FAM156A: variants seen among roughly 807,000 people sequenced by gnomAD.
The protein encoded by FAM156A is family with sequence similarity 156 member A, also known as protein FAM156A/FAM156B.
At chrX:52,974,252 T>A (rs782533673) in intron 1 of FAM156A, among the ~76,000 whole-genome samples, 25 of 112,478 alleles carry the variant, frequency 2.2e-4, no homozygotes, top group Non-Finnish European at 4.1e-4. Context: ...GAAATGGAAG[T>A]ATACAGCTGT....
chrX:52,980,782 CTGTGTGTG>C (rs1156303085), intron 1 of FAM156A, among the ~76,000 whole-genome samples: 2,410 of 38,387 alleles, frequency 0.063, 80 homozygotes, highest in Middle Eastern at 0.17. Flanking sequence ...TAGGGTTCCT[CTGTGTGTG>C]TGTGTGTGTG....
intron 1 of FAM156A, among the ~76,000 whole-genome samples, chrX:52,994,165 A>G (rs961941722): frequency 5.4e-5 from 6 of 110,105 alleles, no homozygotes; most frequent in Admixed American, 4.8e-4. Context: ...AAGACATCAA[A>G]AAGAGCTCAC....
At chrX:52,973,826 C>G (rs1408025416) in intron 1 of FAM156A, among the ~76,000 whole-genome samples, 2 of 110,628 alleles carry the variant, frequency 1.8e-5, no homozygotes, top group East Asian at 2.8e-4. Flanking sequence ...CCACGCCTGG[C>G]TAATTTTTTT....
At chrX:52,979,375 C>G (rs781865433) in intron 1 of FAM156A, among the ~76,000 whole-genome samples, 52 of 111,411 alleles carry the variant, frequency 4.7e-4, no homozygotes, top group South Asian at 7.6e-4. Context: ...CTGTTGTCCC[C>G]CTCCCACCAG....
At chrX:52,995,064 C>A (rs1241545210) in intron 1 of FAM156A, among the ~76,000 whole-genome samples, 2 of 111,721 alleles carry the variant, frequency 1.8e-5, no homozygotes, top group Non-Finnish European at 3.8e-5. Flanking sequence ...CAGACACAAT[C>A]TGGACCCCAA....
intron 1 of FAM156A, among the ~76,000 whole-genome samples, chrX:52,989,142 C>T (rs1237736574): frequency 9.0e-6 from 1 of 111,235 alleles, no homozygotes; most frequent in East Asian, 2.8e-4. Context: ...GCATGTGGGT[C>T]GCAGTAACTC....
intron 1 of FAM156A, among the ~76,000 whole-genome samples, chrX:52,979,752 C>A (rs1929724966): frequency 8.9e-6 from 1 of 111,983 alleles, no homozygotes; most frequent in Non-Finnish European, 1.9e-5. Context: ...CCAGCTGGCA[C>A]TGAAACACTT....
chrX:52,985,310 G>A (rs1436322918), intron 1 of FAM156A, among the ~76,000 whole-genome samples: 1 of 111,021 alleles, frequency 9.0e-6, no homozygotes, highest in Non-Finnish European at 1.9e-5. Context: ...TAATCCATGG[G>A]TCAAGGAGCA....
In FAM156A at chrX:52,988,021, C is replaced by T. The variant is rs1005327459; in HGVS notation, c.-434+7285G>A. On this transcript the variant is annotated intron_variant, in intron 1 of 4. Transcript: ENST00000610625. ...ATCCCAGCACTTTGGGAGGCCGAGG[C>T]GGGCGGATCAGAAGTTCGAGACAAC... Among the ~76,000 whole-genome samples, 5 of 111,477 alleles carry T rather than the reference C, an allele frequency of 4.5e-5. No homozygotes were observed. In the South Asian group the frequency reaches 1.5e-3, roughly 33 times the overall value.
At chrX:52,980,794 G>A in intron 1 of FAM156A, among the ~76,000 whole-genome samples, 1 of 74,055 alleles carries the variant, frequency 1.4e-5, no homozygotes, top group African/African-American at 6.0e-5. Flanking sequence ...GTGTGTGTGT[G>A]TGTGTGTGTG....
chrX:52,985,611 G>T (rs1930218794), intron 1 of FAM156A, among the ~76,000 whole-genome samples: 1 of 111,236 alleles, frequency 9.0e-6, no homozygotes, highest in Non-Finnish European at 1.9e-5. Flanking sequence ...TGGCCCAAAA[G>T]CTCGTTCTTT....
At chrX:52,984,124 T>C (rs1400291178) in intron 1 of FAM156A, among the ~76,000 whole-genome samples, 1 of 110,988 alleles carries the variant, frequency 9.0e-6, no homozygotes, top group East Asian at 2.8e-4. Context: ...ACAATGGAAG[T>C]ATACGGCAAT....
chrX:52,993,857 C>T (rs151246640), intron 1 of FAM156A, among the ~76,000 whole-genome samples: 108 of 111,799 alleles, frequency 9.7e-4, no homozygotes, highest in African/African-American at 3.3e-3. Flanking sequence ...ATACAGCAGA[C>T]GCTCAGGAAA....
chrX:52,981,200 C>A (rs1389900986), intron 1 of FAM156A, among the ~76,000 whole-genome samples: 1 of 111,066 alleles, frequency 9.0e-6, no homozygotes, highest in Non-Finnish European at 1.9e-5. Context: ...ATCAAGTTTA[C>A]CATCACAGCC....
At chrX:52,974,903 C>T (rs1251839906) in intron 1 of FAM156A, among the ~76,000 whole-genome samples, 2 of 110,689 alleles carry the variant, frequency 1.8e-5, no homozygotes, top group Non-Finnish European at 3.8e-5. Context: ...GAAGTTAAAC[C>T]CTACACTAAA....
intron 1 of FAM156A, among the ~76,000 whole-genome samples, chrX:52,987,869 G>A (rs1042437848): frequency 1.8e-5 from 2 of 111,522 alleles, no homozygotes; most frequent in Admixed American, 1.9e-4. Context: ...TTCAATGGGT[G>A]CATGGATAAA....
chrX:52,992,476 G>T (rs1251591968), intron 1 of FAM156A, among the ~76,000 whole-genome samples: 1 of 111,735 alleles, frequency 8.9e-6, no homozygotes, highest in Non-Finnish European at 1.9e-5. Flanking sequence ...GGGAGGTTCT[G>T]CAGGAAGGAG....
At chrX:52,984,307 A>T (rs781813461) in intron 1 of FAM156A, among the ~76,000 whole-genome samples, 2 of 112,427 alleles carry the variant, frequency 1.8e-5, no homozygotes, top group East Asian at 5.6e-4. Flanking sequence ...AGTGTTGAAG[A>T]CTTTTACTGG....
chrX:52,980,047 A>T (rs1929745998), intron 1 of FAM156A, among the ~76,000 whole-genome samples: 1 of 112,405 alleles, frequency 8.9e-6, no homozygotes. Flanking sequence ...AGTGAAGGTT[A>T]CAGGGAGGCA....
Sources: gnomAD v4.1 joint callset for allele counts (sites outside exome capture counted in the v4.1 genomes callset) on GRCh38, gnomAD v4.1.1 for gene constraint, MANE v1.5 for transcripts, NCBI Gene and HGNC (gene_info 2026-07-23, HGNC 2026-07-21) for gene names.